Variants in TBC1D15 observed in about 807,000 individuals in gnomAD.
The protein encoded by TBC1D15 is GAP for RAB7.
TBC1D15 carries 39 observed loss-of-function variants against 95.4 expected under a neutral mutation model. The ratio of observed to expected loss-of-function variants is 0.41; its 90% CI spans 0.32 to 0.53. The LOEUF is 0.53. TBC1D15 is among the 20% of genes least tolerant of loss of function. TBC1D15 has a pLI of 0.29. For synonymous variants in TBC1D15, 258 were observed against 261.3 expected (o/e 0.99, Z 0.12); for missense variants, 733 against 794.3 (o/e 0.92, Z 0.93).
chr12:71,890,579 A>G (rs1231231148), intron 5 of TBC1D15, among the ~76,000 whole-genome samples: 1 of 152,152 alleles, frequency 6.6e-6, no homozygotes. Flanking sequence ...GGGCCTTACC[A>G]TATGGATGAG....
intron 3 of TBC1D15, among the ~76,000 whole-genome samples, chr12:71,873,688 A>ATGG (rs1893171435): frequency 6.6e-6 from 1 of 152,222 alleles, no homozygotes; most frequent in Non-Finnish European, 1.5e-5. Flanking sequence ...CCAGCAGTAT[A>ATGG]TGAGGATTCC....
intron 5 of TBC1D15, among the ~76,000 whole-genome samples, chr12:71,892,439 G>A (rs1303572571): frequency 6.6e-6 from 1 of 151,912 alleles, no homozygotes; most frequent in Non-Finnish European, 1.5e-5. Flanking sequence ...TAGAAAATTT[G>A]TAGATTTATT....
intron 3 of TBC1D15, among the ~76,000 whole-genome samples, chr12:71,878,526 T>G (rs999080532): frequency 6.7e-6 from 1 of 149,474 alleles, no homozygotes; most frequent in Non-Finnish European, 1.5e-5. Flanking sequence ...GGGTTTTTGT[T>G]TTTTTTTTTG....
At chr12:71,889,861 T>TA (rs1896906095) in intron 5 of TBC1D15, among the ~76,000 whole-genome samples, 1 of 152,292 alleles carries the variant, frequency 6.6e-6, no homozygotes, top group East Asian at 1.9e-4. Context: ...GTTTGTTGTT[T>TA]AGCTCCCGCT....
intron 1 of TBC1D15, among the ~76,000 whole-genome samples, chr12:71,848,262 G>A (rs1270604440): frequency 6.6e-6 from 1 of 152,198 alleles, no homozygotes; most frequent in Non-Finnish European, 1.5e-5. Flanking sequence ...TTAACACACT[G>A]CCAAATTGTT....
intron 10 of TBC1D15, among the ~76,000 whole-genome samples, chr12:71,900,304 A>C (rs1899071593): frequency 6.6e-6 from 1 of 152,138 alleles, no homozygotes; most frequent in African/African-American, 2.4e-5. Context: ...ACCTAGTGGA[A>C]AAAGAGACAG....
chr12:71,878,092 G>T (rs1012079245), intron 3 of TBC1D15, among the ~76,000 whole-genome samples: 1 of 152,204 alleles, frequency 6.6e-6, no homozygotes, highest in Non-Finnish European at 1.5e-5. Context: ...ACAAGAATCT[G>T]CAGATTCCTG....
At chr12:71,885,886 A>G (rs1301036187) in intron 5 of TBC1D15, among the ~76,000 whole-genome samples, 2 of 152,208 alleles carry the variant, frequency 1.3e-5, no homozygotes, top group Non-Finnish European at 2.9e-5. Flanking sequence ...ACATGATGTA[A>G]TCACACAACA....
chr12:71,875,596 T>C (rs1893636556), intron 3 of TBC1D15, among the ~76,000 whole-genome samples: 1 of 152,000 alleles, frequency 6.6e-6, no homozygotes, highest in Non-Finnish European at 1.5e-5. Context: ...CTCCATCACC[T>C]GAGTAATGTA....
At chr12:71,857,014 C>T (rs570823471) in intron 1 of TBC1D15, among the ~76,000 whole-genome samples, 10 of 152,036 alleles carry the variant, frequency 6.6e-5, no homozygotes, top group East Asian at 1.9e-4. Flanking sequence ...GAAATGTTTT[C>T]GTAAAGTAAT....
chr12:71,917,863 G>A (rs1904071908), intron 13 of TBC1D15, 66 bp downstream of exon 13: 12 of 1,124,512 alleles, frequency 1.1e-5, no homozygotes, highest in Non-Finnish European at 1.6e-5. Context: ...AAAATGTAAA[G>A]AACTCTTTAA....
chr12:71,848,515 T>G (rs1047510245), intron 1 of TBC1D15, among the ~76,000 whole-genome samples: 1 of 152,238 alleles, frequency 6.6e-6, no homozygotes. Flanking sequence ...TTAAATCTTC[T>G]GCTTATTTTT....
At chr12:71,873,061 T>C (rs1893030098) in intron 3 of TBC1D15, 58 bp downstream of exon 3, 1 of 1,188,344 alleles carries the variant, frequency 8.4e-7, no homozygotes, top group African/African-American at 1.5e-5. Flanking sequence ...AACAGTATTA[T>C]CCATATATAA....
chr12:71,896,604 A>G lies in TBC1D15; in HGVS notation c.985-73A>G, dbSNP rs1461361469. 16 of 1,280,020 alleles carry G rather than the reference A, an allele frequency of 1.2e-5. No individual in the cohort carries two copies. The East Asian group carries it at 3.1e-4, about 24-fold the overall frequency. 79.3% of individuals were successfully genotyped at this position (1,280,020 alleles called of 1,614,324 possible). A position where few individuals can be genotyped will look rare whatever the true frequency, so the allele number is the denominator to read the frequency against. ...CTCTTAAAGATTAGTTTTCCTTTTTATATGCAAGTTTTGTGAACTTACAGT... is the reference window on the plus strand; with the variant it reads ...CTCTTAAAGATTAGTTTTCCTTTTTGTATGCAAGTTTTGTGAACTTACAGT... On this transcript the variant is annotated intron_variant, in intron 8 of 16. Transcript: ENST00000485960.
intron 10 of TBC1D15, among the ~76,000 whole-genome samples, chr12:71,903,435 C>T (rs1034787544): frequency 5.3e-5 from 8 of 152,116 alleles, no homozygotes; most frequent in Non-Finnish European, 1.5e-5. Context: ...TAAATTAATT[C>T]AGCCACTGTG....
rs559187625 is a variant in TBC1D15 at position 71,894,806 on chromosome 12, G to A, written c.778G>A (p.Ala260Thr). The A allele has an allele frequency of 1.2e-6, 2 of 1,613,230 alleles. No homozygotes were observed. The highest frequency in any genetic ancestry group is 1.1e-5 in the South Asian group (1 of 91,054). The change falls in exon 7 of 17, where the codon GCA (alanine) becomes ACA (threonine). Residue 260 changes from alanine to threonine, a missense_variant. Coordinates refer to ENST00000485960, the MANE Select transcript of TBC1D15 (RefSeq NM_001146213.3). ...STHQRPPSEM[A>T]DFLSDAIPGL... ...ACATCAACGACCACCTTCAGAAATG[G>A]CAGATTTTCTTAGTGATGCTATTCC...
chr12:71,895,308 T>C (rs1164932285), intron 7 of TBC1D15, among the ~76,000 whole-genome samples: 1 of 152,104 alleles, frequency 6.6e-6, no homozygotes, highest in Non-Finnish European at 1.5e-5. Flanking sequence ...GCCTGAATTA[T>C]GGCAGATCTT....
intron 3 of TBC1D15, among the ~76,000 whole-genome samples, chr12:71,876,935 G>A (rs377253934): frequency 7.3e-5 from 11 of 151,400 alleles, no homozygotes; most frequent in African/African-American, 1.5e-4. Context: ...CTCAGCCTCC[G>A]GAGTAGCTGG....
At chr12:71,899,474 G>C (rs1898883944) in intron 10 of TBC1D15, among the ~76,000 whole-genome samples, 1 of 152,126 alleles carries the variant, frequency 6.6e-6, no homozygotes, top group African/African-American at 2.4e-5. Context: ...AAATAAGTTA[G>C]TTTTAAAGCA....
Sources: allele counts gnomAD v4.1 joint callset (sites outside exome capture counted in the v4.1 genomes callset), GRCh38; gene constraint gnomAD v4.1.1; transcripts MANE v1.5; gene names NCBI Gene and HGNC (gene_info 2026-07-23, HGNC 2026-07-21).